The following PMFBP1 variants were observed in gnomAD, a reference collection of about 807,000 sequenced individuals.
The protein encoded by PMFBP1 is polyamine-modulated factor 1-binding protein 1.
A neutral mutation model predicts 137.8 loss-of-function variants in PMFBP1; 131 were observed. The ratio of observed to expected loss-of-function variants is 0.95; its 90% confidence interval spans 0.82 to 1.10. The LOEUF (loss-of-function observed/expected upper bound fraction) is 1.10. PMFBP1 is among the 50% of genes least tolerant of loss of function. PMFBP1 has a pLI of 0.00. For synonymous variants in PMFBP1, 490 were observed against 450.4 expected (o/e 1.09, Z -1.11); for missense variants, 1,199 against 1,175.4 (o/e 1.02, Z -0.29).
In PMFBP1 at chr16:72,140,439, T is replaced by G; in HGVS notation, c.780A>C (p.Arg260=). ...AAGCGTTACTGCAGGCCAGCTTATT[T>G]CGAAGTTCTTGAATGAGATCATCCT... ...SQQDDLIQEL[R]NKLACSNALV... is the part of the protein sequence containing the mutation. Residue 260 remains arginine (R), a synonymous_variant, in exon 6 of 21, where the codon CGA becomes CGC. Coordinates refer to ENST00000237353, the MANE Select transcript of PMFBP1 (RefSeq NM_031293.3). The G allele has an allele frequency of 6.2e-6, 10 of 1,614,110 alleles. No homozygotes were observed. Among genetic ancestry groups the G allele is most frequent in the African/African-American group, 1.3e-5 (1 of 75,058 alleles).
chr16:72,188,525 T>A, the PMFBP1 span, among the ~76,000 whole-genome samples: 1 of 152,254 alleles, frequency 6.6e-6, no homozygotes, highest in Non-Finnish European at 1.5e-5. Flanking sequence ...GTGGTTTTCA[T>A]GTTTTATTGG....
At chr16:72,185,685 T>C in the PMFBP1 span, among the ~76,000 whole-genome samples, 2 of 152,180 alleles carry the variant, frequency 1.3e-5, no homozygotes, top group African/African-American at 2.4e-5. Context: ...GATCAAGGGA[T>C]TGTAAATTTT....
the PMFBP1 span, among the ~76,000 whole-genome samples, chr16:72,189,282 A>C: frequency 6.6e-6 from 1 of 152,210 alleles, no homozygotes. Flanking sequence ...AACTCACACC[A>C]TCTTGCTCCA....
chr16:72,125,068 G>T, intron 16 of PMFBP1, 134 bp from the exon 17 acceptor site: 1 of 1,367,242 alleles, frequency 7.3e-7, no homozygotes, highest in Non-Finnish European at 1.0e-6. Flanking sequence ...CCAGCAGAGG[G>T]CACCCATGCT....
chr16:72,211,559 C>G, the PMFBP1 span, among the ~76,000 whole-genome samples: 3 of 151,650 alleles, frequency 2.0e-5, no homozygotes, highest in African/African-American at 7.3e-5. Flanking sequence ...AATAGACAAA[C>G]AGAAAGAGAA....
intron 6 of PMFBP1, 38 bp downstream of exon 6, chr16:72,140,374 G>C: frequency 6.4e-7 from 1 of 1,559,950 alleles, no homozygotes; most frequent in South Asian, 1.1e-5. Flanking sequence ...TCTTGATTGA[G>C]GGTCTCCCAG....
intron 6 of PMFBP1, 58 bp from the exon 7 acceptor site, chr16:72,139,457 T>C: frequency 7.9e-7 from 1 of 1,261,628 alleles, no homozygotes; most frequent in Non-Finnish European, 1.2e-6. Flanking sequence ...CTTGTTACCA[T>C]GACTATTATT....
chr16:72,120,055 C>A lies in PMFBP1; in HGVS notation c.2803G>T (p.Glu935Ter). 1.2e-6 allele frequency: 2 copies of A among 1,614,138 alleles called. No individual in the cohort carries two copies. The highest frequency in any genetic ancestry group is 1.7e-6 in the Non-Finnish European group (2 of 1,180,034). Residue 935 changes from glutamate to a stop codon, truncating the protein, a stop_gained, in exon 20 of 21, where the codon GAA becomes TAA. Coordinates refer to ENST00000237353, the MANE Select transcript of PMFBP1 (RefSeq NM_031293.3). LOFTEE classifies it high-confidence loss of function. ...LHSVMVHLQQ[E>*]NKKLKKEIEE... ...ATCTCCTTCTTCAGCTTCTTGTTTT[C>A]CTGCTGCAAGTGGACCATTACACTG...
Position 72,136,616 on chromosome 16 carries a change from G to T in PMFBP1, c.1046-11C>A. The T allele has an allele frequency of 6.2e-7, 1 of 1,614,034 alleles. No individual in the cohort carries two copies. The highest frequency in any genetic ancestry group is 8.5e-7 in the Non-Finnish European group (1 of 1,180,018). On this transcript the variant is annotated splice_polypyrimidine_tract_variant and intron_variant, in intron 8 of 20. Coordinates refer to ENST00000237353, the MANE Select transcript of PMFBP1 (RefSeq NM_031293.3). ...CCAGCTTCATCATGTCTACCATGGG[G>T]CGGGACAGAGTCTATGCTCAGGGGA...
intron 3 of PMFBP1, among the ~76,000 whole-genome samples, chr16:72,156,449 T>C (rs1315040456): frequency 6.6e-6 from 1 of 151,810 alleles, no homozygotes; most frequent in Non-Finnish European, 1.5e-5. Context: ...AAACCCCGTC[T>C]CCACTAAAAA....
intron 2 of PMFBP1, among the ~76,000 whole-genome samples, chr16:72,169,674 AACACACAC>A (rs34867741): frequency 2.7e-5 from 4 of 150,346 alleles, no homozygotes; most frequent in Non-Finnish European, 5.9e-5. Flanking sequence ...AAGAAAGATA[AACACACAC>A]ACACACACAC....
the PMFBP1 span, among the ~76,000 whole-genome samples, chr16:72,201,027 A>G: frequency 1.3e-5 from 2 of 152,096 alleles, no homozygotes; most frequent in Non-Finnish European, 2.9e-5. Flanking sequence ...ATGTTTCCCC[A>G]TTTATTGTTT....
the PMFBP1 span, among the ~76,000 whole-genome samples, chr16:72,212,019 TA>T: frequency 5.3e-5 from 8 of 150,016 alleles, no homozygotes; most frequent in African/African-American, 1.2e-4. Flanking sequence ...TTTCTAAAAT[TA>T]AAAAAAAAGT....
chr16:72,156,731 T>C (rs1329594135), intron 3 of PMFBP1, among the ~76,000 whole-genome samples: 8 of 152,192 alleles, frequency 5.3e-5, no homozygotes. Flanking sequence ...ATTTGGGTTG[T>C]TTCAGTTTTT....
intron 5 of PMFBP1, 146 bp from the exon 6 acceptor site, chr16:72,140,728 A>G: frequency 1.4e-6 from 1 of 711,026 alleles, no homozygotes; most frequent in Non-Finnish European, 2.3e-6. Context: ...AAAACAAAAA[A>G]TATTAACTAG....
upstream of PMFBP1, among the ~76,000 whole-genome samples, chr16:72,177,179 CTCTT>C (rs1339101525): frequency 1.3e-5 from 2 of 152,180 alleles, no homozygotes; most frequent in Non-Finnish European, 2.9e-5. Flanking sequence ...CAATTGGTTG[CTCTT>C]TCTTTCTTTA....
rs2042509301 is a variant in PMFBP1 at position 72,129,152 on chromosome 16, G to T, written c.1864C>A (p.Gln622Lys). 6.2e-7 allele frequency: 1 copy of T among 1,614,028 alleles called. No individual in the cohort carries two copies. Among genetic ancestry groups the T allele is most frequent in the African/African-American group, 1.3e-5 (1 of 74,922 alleles). The change falls in exon 13 of 21, where the codon CAG becomes AAG. Residue 622 changes from glutamine (Q) to lysine (K), a missense_variant. Physicochemically the swap from Gln to Lys is moderately conservative, Grantham distance 53. Transcript: ENST00000237353. ...TCATGCTCTTTGCTCTTCTTCAACT[G>T]CTCCCGTTTGTCCTCCAGAAGCTTT... ...ATKLLEDKRE[Q>K]LKKSKEHEKL...
At chr16:72,152,326 C>CGTAA (rs1172598662) in intron 4 of PMFBP1, among the ~76,000 whole-genome samples, 1 of 152,140 alleles carries the variant, frequency 6.6e-6, no homozygotes, top group East Asian at 1.9e-4. Context: ...CCCGCTCTTC[C>CGTAA]TTACTAATAG....
chr16:72,246,000 C>G, the PMFBP1 span, among the ~76,000 whole-genome samples: 1 of 152,244 alleles, frequency 6.6e-6, no homozygotes, highest in Non-Finnish European at 1.5e-5. Context: ...TAAACACCAC[C>G]ACTGCAAAAG....
Sources: allele counts gnomAD v4.1 joint callset (sites outside exome capture counted in the v4.1 genomes callset), GRCh38; gene constraint gnomAD v4.1.1; transcripts MANE v1.5; gene names NCBI Gene and HGNC (gene_info 2026-07-23, HGNC 2026-07-21).